Variants in CASZ1 observed in about 807,000 individuals in gnomAD.
The protein encoded by CASZ1 is zinc finger protein castor homolog 1.
Under a neutral mutation model 135.2 loss-of-function variants are expected in CASZ1, and 28 were observed. The observed-to-expected ratio is 0.21, with a 90% CI of 0.15 to 0.28. The LOEUF (loss-of-function observed/expected upper bound fraction) is 0.28, where lower values mean the gene tolerates loss of function less well. CASZ1 is among the 10% of genes least tolerant of loss of function. The pLI is 1.00. For synonymous variants in CASZ1, 1,068 were observed against 1,073.4 expected (o/e 0.99, Z 0.10); for missense variants, 2,161 against 2,453.3 (o/e 0.88, Z 2.52).
At chr1:10,693,172 C>T (rs1026214909) in intron 4 of CASZ1, among the ~76,000 whole-genome samples, 7 of 152,140 alleles carry the variant, frequency 4.6e-5, no homozygotes, top group Non-Finnish European at 1.0e-4. Flanking sequence ...GTTGAGTAGT[C>T]TGTCTGGTCC....
Position 10,793,963 on chromosome 1 carries a change from G to A in CASZ1, c.-234+2601C>T, listed in dbSNP as rs372822082. 2.5e-3 allele frequency among the ~76,000 whole-genome samples: 382 copies of A among 152,252 alleles called. 3 individuals carry two copies. Among genetic ancestry groups the A allele is most frequent in the African/African-American group, 9.0e-3 (373 of 41,556 alleles). On this transcript the variant is annotated intron_variant, in intron 1 of 20. Coordinates refer to ENST00000377022, the MANE Select transcript of CASZ1 (RefSeq NM_001079843.3). ...CCCGCCCGGGACGCACCGCCTGGTC[G>A]CCACCAGGACGCAAACCCGGCGCTT...
In CASZ1 at chr1:10,679,774, C is replaced by A. The variant is rs896182387; in HGVS notation, c.16+14100G>T. Among the ~76,000 whole-genome samples, 5 of 152,224 alleles carry A rather than the reference C, an allele frequency of 3.3e-5. No homozygotes were observed. Among genetic ancestry groups the A allele is most frequent in the African/African-American group, 1.2e-4 (5 of 41,460 alleles). The stretch of plus-strand genomic sequence containing the variant: ...CAACCCCGAGTGTCACCACAGGGTC[C>A]GGCCCAACCTGGGCTCCAGCTGATT... On this transcript the variant is annotated intron_variant, in intron 4 of 20. Transcript: ENST00000377022. The surrounding 1 kb of genome is among the most constrained non-coding windows in gnomAD (Gnocchi z 4.7).
rs1638957608 is a variant in CASZ1 at position 10,697,409 on chromosome 1, T to C, written c.-23-3497A>G. Among the ~76,000 whole-genome samples, 1 of 152,084 alleles carries C rather than the reference T, an allele frequency of 6.6e-6. No homozygotes were observed. The highest frequency in any genetic ancestry group is 2.1e-4 in the South Asian group (1 of 4,826). The stretch of plus-strand genomic sequence containing the variant: ...CTCAAGGGATGGAAGTCCAATGCCA[T>C]AATCTCTTCTGATCTTGAGTCCCTG... On this transcript the variant is annotated intron_variant, in intron 3 of 20. Transcript: ENST00000377022. The surrounding 1 kb of genome is among the most constrained non-coding windows in gnomAD (Gnocchi z 4.7).
In CASZ1 at chr1:10,639,752, G is replaced by A. The variant is rs2124663001; in HGVS notation, c.4470C>T (p.Asp1490=). 1 of 1,596,024 alleles carries A rather than the reference G, an allele frequency of 6.3e-7. No individual in the cohort carries two copies. The highest frequency in any genetic ancestry group is 8.5e-7 in the Non-Finnish European group (1 of 1,171,910). ...GTGAGGCCTTGAAGCGCTTGAAGTC[G>A]TCCAGCACCAGGTTGTCCACGCGGT... ...HHDRVDNLVL[D]DFKRFKASLS... Residue 1490 remains aspartate, a synonymous_variant, in exon 21 of 21, where the codon GAC becomes GAT. Transcript: ENST00000377022. This position sits in a 1 kb window ranked among gnomAD's most constrained non-coding sequence, Gnocchi z 4.0.
intron 3 of CASZ1, 45 bp from the exon 4 acceptor site, chr1:10,693,957 G>C (rs749682230): frequency 6.3e-7 from 1 of 1,582,744 alleles, no homozygotes. Context: ...GAAGAAACAC[G>C]GGGTTAGCGT....
In CASZ1 at chr1:10,759,626, C is replaced by G. The variant is rs1158455401; in HGVS notation, c.-77+1075G>C. On this transcript the variant is annotated intron_variant, in intron 2 of 20. Transcript: ENST00000377022. The surrounding 1 kb of genome is among the most constrained non-coding windows in gnomAD (Gnocchi z 4.2). Reference sequence around the variant, plus strand: ...TGCAGCTTCAGGGACCTACCAAACCCCAGTGCGCACCAAGGCTCCCGTCTC... The same window carrying G: ...TGCAGCTTCAGGGACCTACCAAACCGCAGTGCGCACCAAGGCTCCCGTCTC... Among the ~76,000 whole-genome samples the G allele has an allele frequency of 6.6e-6, 1 of 152,160 alleles. No individual in the cohort carries two copies. Among genetic ancestry groups the G allele is most frequent in the Non-Finnish European group, 1.5e-5 (1 of 68,016 alleles).
chr1:10,748,966 T>C (rs893516474), intron 2 of CASZ1, among the ~76,000 whole-genome samples: 6 of 152,166 alleles, frequency 3.9e-5, no homozygotes, highest in Admixed American at 2.6e-4. Flanking sequence ...CGCTTCTGTC[T>C]TTGGGGGTCA....
rs1640321217 is a variant in CASZ1, at chr1:10,759,410, G to A, written c.-77+1291C>T. ...CCCCGGTGCTATCCAGGGGACAACGGCAGCACATCCTAAGTACGACAGACC... is the reference window on the plus strand; with the variant it reads ...CCCCGGTGCTATCCAGGGGACAACGACAGCACATCCTAAGTACGACAGACC... On this transcript the variant is annotated intron_variant, in intron 2 of 20. Coordinates refer to ENST00000377022, the MANE Select transcript of CASZ1 (RefSeq NM_001079843.3). This position sits in a 1 kb window ranked among gnomAD's most constrained non-coding sequence, Gnocchi z 4.2. 6.6e-6 allele frequency among the ~76,000 whole-genome samples: 1 copy of A among 152,160 alleles called. No individual in the cohort carries two copies. Among genetic ancestry groups the A allele is most frequent in the Non-Finnish European group, 1.5e-5 (1 of 68,034 alleles).
chr1:10,685,783 C>CCTCTGCTT lies in CASZ1; in HGVS notation c.16+8083_16+8090dup, dbSNP rs549115632. The stretch of plus-strand genomic sequence containing the variant: ...CCTGTCCACTCCAGTCAGCCCACTG[C>CCTCTGCTT]CTCTGCTTCTTCAAAAACCTCGAGG... On this transcript the variant is annotated intron_variant, in intron 4 of 20. Coordinates refer to ENST00000377022, the MANE Select transcript of CASZ1 (RefSeq NM_001079843.3). Among the ~76,000 whole-genome samples, 98 of 152,352 alleles carry CCTCTGCTT rather than the reference C, an allele frequency of 6.4e-4. 1 individual carries two copies. Among genetic ancestry groups the CCTCTGCTT allele is most frequent in the African/African-American group, 2.3e-3 (97 of 41,590 alleles).
chr1:10,692,511 G>T (rs1638799950), intron 4 of CASZ1, among the ~76,000 whole-genome samples: 2 of 152,332 alleles, frequency 1.3e-5, no homozygotes, highest in African/African-American at 4.8e-5. Flanking sequence ...GGGAGGGGCA[G>T]GGTGGCAGCC....
At chr1:10,745,303 T>C (rs1640018309) in intron 2 of CASZ1, among the ~76,000 whole-genome samples, 1 of 152,210 alleles carries the variant, frequency 6.6e-6, no homozygotes, top group Non-Finnish European at 1.5e-5. Context: ...GCCTGCATCA[T>C]GCCTATAAGA....
At chr1:10,790,812 T>C (rs556130457) in intron 1 of CASZ1, among the ~76,000 whole-genome samples, 8 of 152,070 alleles carry the variant, frequency 5.3e-5, no homozygotes, top group African/African-American at 1.9e-4. Flanking sequence ...GAGAGGATGG[T>C]ATAAATGTAC....
chr1:10,720,058 G>C lies in CASZ1; in HGVS notation c.-76-14514C>G, dbSNP rs1639468414. Among the ~76,000 whole-genome samples, 1 of 152,228 alleles carries C rather than the reference G, an allele frequency of 6.6e-6. No homozygotes were observed. Among genetic ancestry groups the C allele is most frequent in the Admixed American group, 6.5e-5 (1 of 15,286 alleles). Reference sequence around the variant, plus strand: ...GCCGGTCCCCACTGCTCTGCCCAGAGGCCCTGTGGCCTGGCCACAGAGAGC... The same window carrying C: ...GCCGGTCCCCACTGCTCTGCCCAGACGCCCTGTGGCCTGGCCACAGAGAGC... On this transcript the variant is annotated intron_variant, in intron 2 of 20. Transcript: ENST00000377022. This position sits in a 1 kb window ranked among gnomAD's most constrained non-coding sequence, Gnocchi z 5.7.
At chr1:10,723,476 C>A (rs556704150) in intron 2 of CASZ1, among the ~76,000 whole-genome samples, 1 of 152,218 alleles carries the variant, frequency 6.6e-6, no homozygotes, top group Non-Finnish European at 1.5e-5. Flanking sequence ...TCTGAGCAGT[C>A]TATTCAAGCC....
chr1:10,649,612 G>T, intron 13 of CASZ1, 175 bp from the exon 14 acceptor site: 1 of 716,120 alleles, frequency 1.4e-6, no homozygotes, highest in Non-Finnish European at 2.3e-6. Flanking sequence ...TCTGAACAGA[G>T]AGCCTGCTGT....
chr1:10,766,708 G>A (rs1236382608), intron 1 of CASZ1, among the ~76,000 whole-genome samples: 1 of 152,244 alleles, frequency 6.6e-6, no homozygotes, highest in Non-Finnish European at 1.5e-5. Flanking sequence ...CACAGTAGAA[G>A]AGGAAAACGA....
At chr1:10,643,364 C>G (rs1642269291) in intron 18 of CASZ1, 53 bp from the exon 19 acceptor site, 27 of 1,590,034 alleles carry the variant, frequency 1.7e-5, no homozygotes, top group Non-Finnish European at 2.2e-5. Context: ...GCGCTCATGG[C>G]TTCCAGGTCC....
chr1:10,770,246 G>T (rs1386170931), intron 1 of CASZ1, among the ~76,000 whole-genome samples: 1 of 151,990 alleles, frequency 6.6e-6, no homozygotes, highest in African/African-American at 2.4e-5. Context: ...CATCACGCCT[G>T]CCTAATTTCT....
Position 10,665,465 on chromosome 1 carries a change from C to T in CASZ1, c.123G>A (p.Gln41=), listed in dbSNP as rs992530678. 5 of 1,609,822 alleles carry T rather than the reference C, an allele frequency of 3.1e-6. No individual in the cohort carries two copies. Among genetic ancestry groups the T allele is most frequent in the Non-Finnish European group, 3.4e-6 (4 of 1,179,794 alleles). The part of the protein sequence containing the change: ...LNAICAKLSR[Q]VVVEKRADAG... ...CGTCAGCTCGCTTCTCCACCACCAC[C>T]TGGCGGCTCAGCTTGGCGCAGATGG... Residue 41 remains glutamine (Q), a synonymous_variant, in exon 5 of 21, where the codon CAG becomes CAA. Coordinates refer to ENST00000377022, the MANE Select transcript of CASZ1 (RefSeq NM_001079843.3).
Sources: allele counts gnomAD v4.1 joint callset (sites outside exome capture counted in the v4.1 genomes callset), GRCh38; gene constraint gnomAD v4.1.1; non-coding constraint Gnocchi (gnomAD v3.1); transcripts MANE v1.5; gene names NCBI Gene and HGNC (gene_info 2026-07-23, HGNC 2026-07-21).